Variants in ITIH2 observed in about 807,000 individuals in gnomAD.
ITIH2 encodes the protein inter-alpha-trypsin inhibitor heavy chain H2.
A neutral mutation model predicts 104.4 loss-of-function variants in ITIH2; 103 were observed. That is an observed-to-expected ratio of 0.99 (90% CI 0.84 to 1.16). The LOEUF is 1.16. Among genes scored for constraint, ITIH2 ranks in the 50% most tolerant of loss-of-function variants. ITIH2 has a pLI of 0.00. For missense variants in ITIH2, 1,108 were observed against 1,162.4 expected (o/e 0.95, Z 0.68); for synonymous variants, 436 against 435.4 (o/e 1.00, Z -0.02).
chr10:7,711,770 C>T (rs1457126487), intron 4 of ITIH2, among the ~76,000 whole-genome samples: 2 of 152,184 alleles, frequency 1.3e-5, no homozygotes, highest in Non-Finnish European at 2.9e-5. Flanking sequence ...GACTAACATT[C>T]GTGGTGTCCT....
intron 4 of ITIH2, among the ~76,000 whole-genome samples, chr10:7,710,258 T>C (rs1386337689): frequency 1.3e-5 from 2 of 152,234 alleles, no homozygotes; most frequent in East Asian, 3.8e-4. Flanking sequence ...TTCATGGACA[T>C]CTCATATTAT....
rs747359290 is a variant in ITIH2, at chr10:7,744,914, C to T, written c.2532C>T (p.Ile844=). Residue 844 remains isoleucine, a synonymous_variant, in exon 19 of 21, where the codon ATC becomes ATT. Transcript: ENST00000358415. Reference sequence around the variant, plus strand: ...CCGTCAATGTTGACTTTCTGGGAATCTACATACCCCCTACAAACAAGTTCT... The same window carrying T: ...CCGTCAATGTTGACTTTCTGGGAATTTACATACCCCCTACAAACAAGTTCT... ...KHPVNVDFLG[I]YIPPTNKFSP... The T allele has an allele frequency of 2.5e-6, 4 of 1,613,984 alleles. No homozygotes were observed. The Admixed American group carries it at 5.0e-5, about 20-fold the overall frequency.
chr10:7,749,429 G>T lies in ITIH2; in HGVS notation c.*95G>T. The T allele has an allele frequency of 9.2e-7, 1 of 1,087,984 alleles. No homozygotes were observed. The highest frequency in any genetic ancestry group is 1.6e-5 in the South Asian group (1 of 60,650). The allele number at this position is 1,087,984 out of a possible 1,614,324, so 67.4% of individuals were successfully genotyped here. On this transcript the variant is annotated 3_prime_UTR_variant, in exon 21 of 21. Transcript: ENST00000358415. ...CGGTTTGAATAATTAAAATGAACCA[G>T]ATATCAGGGTGGTTAATTAAAATGA...
intron 5 of ITIH2, 22 bp from the exon 6 acceptor site, chr10:7,717,604 T>C: frequency 6.2e-7 from 1 of 1,606,584 alleles, no homozygotes; most frequent in Non-Finnish European, 8.5e-7. Context: ...TGTTGACTTT[T>C]GTTGGGGGCT....
At chr10:7,711,524 T>C (rs1834797068) in intron 4 of ITIH2, among the ~76,000 whole-genome samples, 4 of 152,202 alleles carry the variant, frequency 2.6e-5, no homozygotes, top group Admixed American at 2.0e-4. Context: ...TTGAATATTC[T>C]ATGGGAGATG....
intron 15 of ITIH2, among the ~76,000 whole-genome samples, chr10:7,735,405 G>GT (rs375130394): frequency 1.4e-4 from 21 of 151,736 alleles, no homozygotes; most frequent in South Asian, 4.2e-4. Context: ...CTAAAGAAAA[G>GT]TTTTTTTTCA....
chr10:7,723,341 C>T (rs926631867), intron 8 of ITIH2, 110 bp from the exon 9 acceptor site: 9 of 743,668 alleles, frequency 1.2e-5, no homozygotes, highest in East Asian at 9.8e-5. Context: ...CATCAAGCTC[C>T]GCCTCCTCCT....
intron 4 of ITIH2, among the ~76,000 whole-genome samples, chr10:7,712,542 T>C (rs1834805950): frequency 6.6e-6 from 1 of 152,138 alleles, no homozygotes; most frequent in Non-Finnish European, 1.5e-5. Flanking sequence ...ATCACATTTG[T>C]CATTCAAAGG....
chr10:7,706,580 G>C (rs984812264), intron 2 of ITIH2, among the ~76,000 whole-genome samples: 1 of 152,208 alleles, frequency 6.6e-6, no homozygotes, highest in Non-Finnish European at 1.5e-5. Flanking sequence ...TAAAGGAAGA[G>C]ACAGACTTTA....
At chr10:7,737,560 T>G (rs1448848380) in intron 15 of ITIH2, among the ~76,000 whole-genome samples, 4 of 129,976 alleles carry the variant, frequency 3.1e-5, no homozygotes, top group Admixed American at 1.7e-4. Flanking sequence ...GTATTCTATA[T>G]AATATTATAT....
At chr10:7,707,175 A>G in intron 2 of ITIH2, 26 bp from the exon 3 acceptor site, 4 of 1,577,546 alleles carry the variant, frequency 2.5e-6, no homozygotes, top group Non-Finnish European at 3.5e-6. Context: ...ACAGTTGAAG[A>G]ATGATTGTCT....
At chr10:7,735,129 C>A in intron 15 of ITIH2, 38 bp downstream of exon 15, 3 of 1,560,540 alleles carry the variant, frequency 1.9e-6, no homozygotes, top group Non-Finnish European at 2.6e-6. Flanking sequence ...GGCCAGGCAG[C>A]TCTCTTGCCC....
chr10:7,725,738 G>A (rs982436587), intron 9 of ITIH2, among the ~76,000 whole-genome samples: 3 of 152,182 alleles, frequency 2.0e-5, no homozygotes, highest in African/African-American at 4.8e-5. Context: ...CCATGGAAGC[G>A]TGGTGTTCAA....
At chr10:7,724,895 C>T (rs895366798) in intron 9 of ITIH2, among the ~76,000 whole-genome samples, 3 of 152,076 alleles carry the variant, frequency 2.0e-5, no homozygotes, top group Admixed American at 6.5e-5. Flanking sequence ...AGAAACATTG[C>T]TCTAATACAA....
rs181347809 is a variant in ITIH2, at chr10:7,726,882, G to A, written c.985-68G>A. 4.7e-6 allele frequency: 6 copies of A among 1,267,334 alleles called. No homozygotes were observed. The East Asian group carries it at 1.2e-4, about 26-fold the overall frequency. The allele number at this position is 1,267,334 out of a possible 1,614,324, so 78.5% of individuals were successfully genotyped here. On this transcript the variant is annotated intron_variant, in intron 9 of 20. Transcript: ENST00000358415. ...GAAAGATGACCAGGATCAATGATTG[G>A]TCTTCCTAGTTCCTCTGAGGCTCAG...
chr10:7,717,527 C>T (rs188273202), intron 5 of ITIH2, 99 bp from the exon 6 acceptor site: 31 of 1,083,872 alleles, frequency 2.9e-5, no homozygotes, highest in Admixed American at 2.0e-4. Context: ...CTGAGCAGAA[C>T]GGACGGTCCA....
intron 6 of ITIH2, among the ~76,000 whole-genome samples, chr10:7,720,537 G>C (rs1334121796): frequency 6.6e-6 from 1 of 152,134 alleles, no homozygotes; most frequent in Non-Finnish European, 1.5e-5. Context: ...GGAAAAAGAA[G>C]AAGGAATTCT....
intron 8 of ITIH2, 30 bp downstream of exon 8, chr10:7,721,807 C>T: frequency 1.2e-6 from 2 of 1,610,224 alleles, no homozygotes; most frequent in Admixed American, 3.3e-5. Context: ...GGTTCTACTG[C>T]CAAGCTCGTG....
intron 18 of ITIH2, 104 bp from the exon 19 acceptor site, chr10:7,744,687 A>G (rs1173568815): frequency 1.2e-5 from 11 of 913,682 alleles, no homozygotes; most frequent in Middle Eastern, 2.6e-4. Context: ...TAACTAGCGG[A>G]ATTGTCTGGG....
Sources: gnomAD v4.1 joint callset for allele counts (sites outside exome capture counted in the v4.1 genomes callset) on GRCh38, gnomAD v4.1.1 for gene constraint, MANE v1.5 for transcripts, NCBI Gene and HGNC (gene_info 2026-07-23, HGNC 2026-07-21) for gene names.